The following BAZ2B variants were observed in gnomAD, a reference collection of about 807,000 sequenced individuals.
The protein encoded by BAZ2B is bromodomain adjacent to zinc finger domain protein 2B.
Under a neutral mutation model 246.0 loss-of-function variants are expected in BAZ2B, and 91 were observed. That is an observed-to-expected ratio of 0.37 (90% CI 0.31 to 0.44). BAZ2B has a LOEUF of 0.44. BAZ2B is among the 20% of genes least tolerant of loss of function. The probability of loss-of-function intolerance (pLI) is 1.00; values close to 1 mark genes in which losing one functional copy is unlikely to be tolerated. For missense variants in BAZ2B, 2,332 were observed against 2,533.7 expected (o/e 0.92, Z 1.71); for synonymous variants, 855 against 860.0 (o/e 0.99, Z 0.10).
chr2:159,446,636 G>A (rs1422731092), intron 6 of BAZ2B, 146 bp downstream of exon 6: 5 of 638,314 alleles, frequency 7.8e-6, no homozygotes, highest in Non-Finnish European at 1.3e-5. Flanking sequence ...ATTTATACTG[G>A]TACTGACACC....
the BAZ2B span, among the ~76,000 whole-genome samples, chr2:159,651,944 T>C: frequency 6.6e-6 from 1 of 152,222 alleles, no homozygotes; most frequent in African/African-American, 2.4e-5. Context: ...TTTCCATTCA[T>C]CTATTAGTGA....
intron 3 of BAZ2B, among the ~76,000 whole-genome samples, chr2:159,472,362 GAT>G (rs2077912708): frequency 6.6e-6 from 1 of 152,094 alleles, no homozygotes; most frequent in African/African-American, 2.4e-5. Flanking sequence ...GGGCTGAGAT[GAT>G]ATATACAATC....
chr2:159,521,050 C>T (rs886413375), intron 2 of BAZ2B, among the ~76,000 whole-genome samples: 1 of 151,998 alleles, frequency 6.6e-6, no homozygotes, highest in African/African-American at 2.4e-5. Context: ...AGGTAGTAGT[C>T]TTTAGATTTG....
chr2:159,424,533 T>C (rs1178912739), intron 13 of BAZ2B, among the ~76,000 whole-genome samples: 1 of 152,176 alleles, frequency 6.6e-6, no homozygotes, highest in East Asian at 1.9e-4. Context: ...CAATTTTTGT[T>C]ATGTGTTAAG....
intron 1 of BAZ2B, among the ~76,000 whole-genome samples, chr2:159,596,200 CAA>C (rs1690668108): frequency 3.3e-5 from 5 of 152,066 alleles, no homozygotes. Context: ...TTGAAGACTC[CAA>C]AAGAGTTTTC....
intron 2 of BAZ2B, among the ~76,000 whole-genome samples, chr2:159,497,923 G>A (rs910665126): frequency 1.3e-5 from 2 of 151,702 alleles, no homozygotes; most frequent in Non-Finnish European, 2.9e-5. Flanking sequence ...TTAAATATAC[G>A]CCCTAGTGTT....
At chr2:159,589,458 T>C (rs560681833) in intron 1 of BAZ2B, among the ~76,000 whole-genome samples, 109 of 152,154 alleles carry the variant, frequency 7.2e-4, no homozygotes, top group Admixed American at 4.3e-3. Flanking sequence ...TGCTGCTAGT[T>C]ATCAGCCACA....
chr2:159,659,081 G>C, the BAZ2B span, among the ~76,000 whole-genome samples: 2 of 152,160 alleles, frequency 1.3e-5, no homozygotes, highest in African/African-American at 4.8e-5. Flanking sequence ...GTGTTAGGAA[G>C]CATTCCCTTT....
At chr2:159,322,621 A>T (rs989680674) in intron 36 of BAZ2B, among the ~76,000 whole-genome samples, 1 of 152,188 alleles carries the variant, frequency 6.6e-6, no homozygotes, top group Non-Finnish European at 1.5e-5. Flanking sequence ...AGTGGAGTCC[A>T]GGAGAGAATT....
In BAZ2B at chr2:159,446,947, A is replaced by C; in HGVS notation, c.531T>G (p.Asn177Lys). Reference protein sequence around the residue: ...KGVNGSINGSNTSSVIGINTS... With the variant: ...KGVNGSINGSKTSSVIGINTS... The stretch of plus-strand genomic sequence containing the variant: ...TGTTGATACCAATTACAGATGATGT[A>C]TTACTTCCATTTATTGACCCATTTA... The change falls in exon 6 of 37, where the codon AAT becomes AAG. Residue 177 changes from asparagine (N) to lysine (K), a missense_variant. Physicochemically the swap from Asn to Lys is moderately conservative, Grantham distance 94. This residue lies in a region of BAZ2B where 242 missense variants were observed against 237.4 expected (regional missense o/e 1.02). Transcript: ENST00000392783. 1 of 1,587,360 alleles carries C rather than the reference A, an allele frequency of 6.3e-7. No individual in the cohort carries two copies. Among genetic ancestry groups the C allele is most frequent in the Non-Finnish European group, 8.6e-7 (1 of 1,169,336 alleles).
At chr2:159,658,644 A>G in the BAZ2B span, among the ~76,000 whole-genome samples, 1 of 152,068 alleles carries the variant, frequency 6.6e-6, no homozygotes, top group African/African-American at 2.4e-5. Flanking sequence ...CAGCCTCCCA[A>G]GTAGCTGGGA....
At chr2:159,557,310 T>C (rs1222454452) in intron 1 of BAZ2B, among the ~76,000 whole-genome samples, 1 of 151,492 alleles carries the variant, frequency 6.6e-6, no homozygotes, top group African/African-American at 2.4e-5. Flanking sequence ...CCTCTGTTCT[T>C]AAAGCAAGTT....
chr2:159,357,359 A>G (rs1388903939), intron 27 of BAZ2B, among the ~76,000 whole-genome samples: 1 of 152,026 alleles, frequency 6.6e-6, no homozygotes, highest in Admixed American at 6.6e-5. Context: ...ATCAAGCAGA[A>G]GAAAGGATAT....
In BAZ2B at chr2:159,457,314, T is replaced by C. The variant is rs552459830; in HGVS notation, c.146-3513A>G. Among the ~76,000 whole-genome samples the C allele has an allele frequency of 4.6e-5, 7 of 152,320 alleles. No individual in the cohort carries two copies. The South Asian group carries it at 1.2e-3, about 27-fold the overall frequency. ...AAACAAGTTTGTTAATATTTCAGTA[T>C]TACAAATTGGTACTGTCATATACAG... On this transcript the variant is annotated intron_variant, in intron 3 of 36. Transcript: ENST00000392783.
intron 26 of BAZ2B, among the ~76,000 whole-genome samples, chr2:159,374,075 T>G (rs1029890243): frequency 9.3e-6 from 1 of 107,458 alleles, no homozygotes; most frequent in African/African-American, 3.6e-5. Context: ...AGTTTTTTTT[T>G]CTTTTTTTTT....
intron 31 of BAZ2B, among the ~76,000 whole-genome samples, chr2:159,345,091 T>C (rs1206704416): frequency 3.3e-5 from 5 of 151,776 alleles, no homozygotes; most frequent in African/African-American, 9.7e-5. Context: ...ATGCCTGTAA[T>C]CCCAGCTACT....
the BAZ2B span, among the ~76,000 whole-genome samples, chr2:159,711,309 C>G: frequency 6.6e-6 from 1 of 152,110 alleles, no homozygotes; most frequent in African/African-American, 2.4e-5. Flanking sequence ...ATTTCATATC[C>G]TAAAAGTTAG....
At chr2:159,443,348 T>C (rs1297683166) in intron 6 of BAZ2B, among the ~76,000 whole-genome samples, 1 of 152,174 alleles carries the variant, frequency 6.6e-6, no homozygotes, top group African/African-American at 2.4e-5. Context: ...TAAATGTATA[T>C]GCAGACTATA....
chr2:159,689,340 C>A, the BAZ2B span: 1 of 340,482 alleles, frequency 2.9e-6, no homozygotes, highest in East Asian at 8.7e-5. Context: ...TTTCCCAATT[C>A]AAACTTGGGC....
Sources: gnomAD v4.1 joint callset for allele counts (sites outside exome capture counted in the v4.1 genomes callset) on GRCh38, gnomAD v4.1.1 for gene constraint, gnomAD v4.1.1 regional missense constraint, MANE v1.5 for transcripts, NCBI Gene and HGNC (gene_info 2026-07-23, HGNC 2026-07-21) for gene names.